Variants in CACNA1C observed in about 807,000 individuals in gnomAD.
The protein encoded by CACNA1C is calcium voltage-gated channel subunit alpha1 C.
CACNA1C carries 30 observed loss-of-function variants against 229.0 expected under a neutral mutation model. That is an observed-to-expected ratio of 0.13 (90% CI 0.10 to 0.18). The LOEUF (loss-of-function observed/expected upper bound fraction) is 0.18. CACNA1C is among the 10% of genes least tolerant of loss of function. CACNA1C has a pLI of 1.00. For synonymous variants in CACNA1C, 1,114 were observed against 1,132.5 expected (o/e 0.98, Z 0.33); for missense variants, 1,658 against 2,845.0 (o/e 0.58, Z 9.49).
intron 3 of CACNA1C, among the ~76,000 whole-genome samples, chr12:2,311,039 C>T (rs987197585): frequency 7.9e-5 from 12 of 152,346 alleles, no homozygotes; most frequent in East Asian, 3.9e-4. Context: ...CTTTCTTTCA[C>T]GCTTATGGCC....
Position 2,593,505 on chromosome 12 carries a change from G to A in CACNA1C, c.2663+160G>A, listed in dbSNP as rs138166201. 1.4e-4 allele frequency among the ~76,000 whole-genome samples: 22 copies of A among 152,320 alleles called. No homozygotes were observed. In the East Asian group the frequency reaches 3.9e-3, roughly 27 times the overall value. On this transcript the variant is annotated intron_variant, in intron 19 of 46. Transcript: ENST00000399655. ...CATTTAGGGAAGAGTCCTGGATTTT[G>A]AATCAGAAGACTTGTGTTTATTTTT...
At chr12:1,993,237 C>A (rs140441717) in intron 1 of CACNA1C, 57,121 of 1,613,934 alleles carry the variant, frequency 0.035, 1,200 homozygotes, top group Middle Eastern at 0.075. Flanking sequence ...AGAAGTAAAA[C>A]AACCCACTGT....
At chr12:2,507,031 G>T (rs2099773388) in intron 8 of CACNA1C, among the ~76,000 whole-genome samples, 1 of 152,222 alleles carries the variant, frequency 6.6e-6, no homozygotes, top group South Asian at 2.1e-4. Flanking sequence ...AAGCGCTAGG[G>T]TGTATTTAGA....
At chr12:2,500,477 G>A (rs1175998234) in intron 7 of CACNA1C, among the ~76,000 whole-genome samples, 2 of 152,202 alleles carry the variant, frequency 1.3e-5, no homozygotes, top group Admixed American at 1.3e-4. Context: ...AGGAACTAGT[G>A]AGGAAAGATT....
At chr12:2,618,384 A>C (rs1191067894) in intron 29 of CACNA1C, among the ~76,000 whole-genome samples, 1 of 152,240 alleles carries the variant, frequency 6.6e-6, no homozygotes, top group Non-Finnish European at 1.5e-5. Flanking sequence ...CGGCACACCA[A>C]AGAACAGGCT....
chr12:2,260,496 GA>G (rs1206032917), intron 3 of CACNA1C, among the ~76,000 whole-genome samples: 39 of 135,138 alleles, frequency 2.9e-4, no homozygotes, highest in Middle Eastern at 3.8e-3. Context: ...AAAAAAAAAA[GA>G]ACAAGAAGAA....
intron 29 of CACNA1C, among the ~76,000 whole-genome samples, chr12:2,617,529 C>T (rs1602264429): frequency 1.3e-5 from 2 of 152,346 alleles, no homozygotes; most frequent in Admixed American, 6.5e-5. Context: ...CAGCCGTCCT[C>T]GTATCCAGTG....
chr12:2,191,754 A>T (rs1483499689), intron 3 of CACNA1C, among the ~76,000 whole-genome samples: 4 of 150,114 alleles, frequency 2.7e-5, no homozygotes, highest in African/African-American at 9.7e-5. Flanking sequence ...ACATGCACTC[A>T]CACACAGGCA....
intron 3 of CACNA1C, among the ~76,000 whole-genome samples, chr12:2,355,833 A>G (rs866493125): frequency 1.8e-4 from 28 of 152,160 alleles, no homozygotes; most frequent in Admixed American, 5.2e-4. Flanking sequence ...TAGATGGGAC[A>G]GCCCCACCCC....
In CACNA1C at chr12:2,460,694, G is replaced by A. The variant is rs559616228; in HGVS notation, c.757+2988G>A. 3.3e-5 allele frequency among the ~76,000 whole-genome samples: 5 copies of A among 152,260 alleles called. No homozygotes were observed. The East Asian group carries it at 7.7e-4, about 24-fold the overall frequency. On this transcript the variant is annotated intron_variant, in intron 5 of 46. Transcript: ENST00000399655. ...ATGCAAGGCCCTCATGTTACCTGCC[G>A]TGCAGTCCAGGAAAATATTTTCGCC...
At chr12:2,083,286 G>A (rs1002421430) in intron 1 of CACNA1C, among the ~76,000 whole-genome samples, 1 of 152,228 alleles carries the variant, frequency 6.6e-6, no homozygotes, top group Non-Finnish European at 1.5e-5. Flanking sequence ...GCTGATGGAA[G>A]CCATGGACTC....
At chr12:2,080,787 A>G (rs1464579001) in intron 1 of CACNA1C, among the ~76,000 whole-genome samples, 1 of 152,196 alleles carries the variant, frequency 6.6e-6, no homozygotes, top group East Asian at 1.9e-4. Flanking sequence ...AGAAGGTAAT[A>G]TCAGTGGATT....
At chr12:2,648,812 T>C (rs1241420764) in intron 31 of CACNA1C, among the ~76,000 whole-genome samples, 1 of 152,190 alleles carries the variant, frequency 6.6e-6, no homozygotes, top group Non-Finnish European at 1.5e-5. Context: ...TTAAACACCC[T>C]GAGGACTCCA....
At chr12:2,404,694 A>C (rs551322682) in intron 3 of CACNA1C, among the ~76,000 whole-genome samples, 1 of 152,228 alleles carries the variant, frequency 6.6e-6, no homozygotes, top group African/African-American at 2.4e-5. Flanking sequence ...GCACATGAAG[A>C]CAAATAGTTT....
At chr12:2,461,926 C>T (rs1046789356) in intron 5 of CACNA1C, among the ~76,000 whole-genome samples, 1 of 152,164 alleles carries the variant, frequency 6.6e-6, no homozygotes, top group African/African-American at 2.4e-5. Flanking sequence ...CCTAACACGG[C>T]ATTCAAACGG....
chr12:2,606,764 G>C, intron 25 of CACNA1C, 101 bp downstream of exon 25: 1 of 1,070,698 alleles, frequency 9.3e-7, no homozygotes, highest in Non-Finnish European at 1.4e-6. Context: ...TAAGACTGCA[G>C]TGGCACCTGC....
chr12:2,394,125 A>G (rs1595093827), intron 3 of CACNA1C, among the ~76,000 whole-genome samples: 1 of 147,298 alleles, frequency 6.8e-6, no homozygotes, highest in Non-Finnish European at 1.5e-5. Context: ...AAAAAAAAAA[A>G]GGAAAAGGAG....
intron 11 of CACNA1C, among the ~76,000 whole-genome samples, chr12:2,562,891 C>T (rs1238534105): frequency 6.6e-6 from 1 of 152,208 alleles, no homozygotes; most frequent in African/African-American, 2.4e-5. Context: ...CATTCCAATT[C>T]CAGTCTTTTA....
Position 2,608,996 on chromosome 12 carries a change from A to G in CACNA1C, c.3558+284A>G, listed in dbSNP as rs1379721234. On this transcript the variant is annotated intron_variant, in intron 27 of 46. Transcript: ENST00000399655. This position sits in a 1 kb window ranked among gnomAD's most constrained non-coding sequence, Gnocchi z 4.2. ...TAGGTTTTGTCAAATCTCATGCCCTATATAGAAGTTAACAAGTTAGAGGGA... is the reference window on the plus strand; with the variant it reads ...TAGGTTTTGTCAAATCTCATGCCCTGTATAGAAGTTAACAAGTTAGAGGGA... 1.3e-5 allele frequency among the ~76,000 whole-genome samples: 2 copies of G among 152,236 alleles called. No individual in the cohort carries two copies. The highest frequency in any genetic ancestry group is 1.9e-4 in the East Asian group (1 of 5,192).
Sources: allele counts gnomAD v4.1 joint callset (sites outside exome capture counted in the v4.1 genomes callset), GRCh38; gene constraint gnomAD v4.1.1; non-coding constraint Gnocchi (gnomAD v3.1); transcripts MANE v1.5; gene names NCBI Gene and HGNC (gene_info 2026-07-23, HGNC 2026-07-21).